Variants in TRAPPC8 observed in about 807,000 individuals in gnomAD.
TRAPPC8 encodes the protein trafficking protein particle complex subunit 8, also known as general sporulation gene 1 homolog.
In TRAPPC8, 54 loss-of-function variants were observed where a neutral mutation model predicts 174.3. The ratio of observed to expected loss-of-function variants is 0.31; its 90% CI spans 0.25 to 0.39. TRAPPC8 has a LOEUF of 0.39. Ranked by LOEUF, TRAPPC8 falls within the 10% of genes least tolerant of loss-of-function variation. The pLI, the probability that TRAPPC8 is intolerant of heterozygous loss-of-function variation, is 1.00. For missense variants in TRAPPC8, 1,531 were observed against 1,699.1 expected (o/e 0.90, Z 1.74); for synonymous variants, 630 against 579.9 (o/e 1.09, Z -1.24).
intron 1 of TRAPPC8, among the ~76,000 whole-genome samples, chr18:31,940,719 G>A (rs932708984): frequency 5.3e-5 from 8 of 151,824 alleles, no homozygotes; most frequent in Non-Finnish European, 1.2e-4. Context: ...GGATGGTCTC[G>A]AACTCCTGAC....
At chr18:31,906,663 G>GT (rs1568120395) in intron 9 of TRAPPC8, among the ~76,000 whole-genome samples, 2 of 152,072 alleles carry the variant, frequency 1.3e-5, no homozygotes, top group Admixed American at 6.6e-5. Context: ...TATATCTGTG[G>GT]TAACTTTTCA....
At position 31,830,914 on chromosome 18, in the gene TRAPPC8, C is replaced by G; in HGVS notation, c.4149G>C (p.Gln1383His). ...QTQYKLQLKS[Q>H]EIHSLQLKAC... ...CTTTCAGCTGCAGACTGTGAATCTC[C>G]TGGCTTTTAAGTTGAAGTTTATACT... The change falls in exon 29 of 29, where the codon CAG becomes CAC. Residue 1383 changes from glutamine to histidine, a missense_variant. Gln to His is a conservative substitution (Grantham distance 24). Coordinates refer to ENST00000283351, the MANE Select transcript of TRAPPC8 (RefSeq NM_014939.5). 6.2e-7 allele frequency: 1 copy of G among 1,614,210 alleles called. No homozygotes were observed. Among genetic ancestry groups the G allele is most frequent in the Non-Finnish European group, 8.5e-7 (1 of 1,180,040 alleles).
In TRAPPC8 at chr18:31,901,019, C is replaced by A. The variant is rs868395900; in HGVS notation, c.1396G>T (p.Ala466Ser). 6.3e-7 allele frequency: 1 copy of A among 1,584,768 alleles called. No homozygotes were observed. The highest frequency in any genetic ancestry group is 1.2e-5 in the South Asian group (1 of 85,454). The change falls in exon 10 of 29, where the codon GCA (alanine) becomes TCA (serine). Residue 466 changes from alanine (A) to serine (S), a missense_variant. Coordinates refer to ENST00000283351, the MANE Select transcript of TRAPPC8 (RefSeq NM_014939.5). ...MLYAAGALEM[A>S]AVSAFLQPGA... The stretch of plus-strand genomic sequence containing the variant: ...GGTTGAAGAAAAGCAGACACTGCTG[C>A]CATTTCCTAAAATAAAAGACATAGT...
intron 14 of TRAPPC8, among the ~76,000 whole-genome samples, chr18:31,871,333 G>GA: frequency 6.6e-6 from 1 of 152,036 alleles, no homozygotes; most frequent in South Asian, 2.1e-4. Flanking sequence ...GACTCTGAAA[G>GA]AATGTATTTT....
At chr18:31,893,862 T>TAC (rs562007322) in intron 11 of TRAPPC8, among the ~76,000 whole-genome samples, 3 of 152,018 alleles carry the variant, frequency 2.0e-5, no homozygotes, top group Non-Finnish European at 4.4e-5. Context: ...TAAAATAATA[T>TAC]ACACACACAC....
At chr18:31,883,013 A>G (rs989544553) in intron 12 of TRAPPC8, among the ~76,000 whole-genome samples, 29 of 145,384 alleles carry the variant, frequency 2.0e-4, no homozygotes, top group African/African-American at 6.7e-4. Flanking sequence ...TCACGAGTTC[A>G]GGAGTTCGAG....
Position 31,830,967 on chromosome 18 carries a change from C to T in TRAPPC8, c.4096G>A (p.Gly1366Arg), listed in dbSNP as rs2032327332. The change falls in exon 29 of 29, where the codon GGA becomes AGA. Residue 1366 changes from glycine to arginine, a missense_variant. Coordinates refer to ENST00000283351, the MANE Select transcript of TRAPPC8 (RefSeq NM_014939.5). ...TTSPEALEIH[G>R]SFTWLGQTQY... ...GTTTGTCCAAGCCATGTGAATGATC[C>T]ATGGATTTCCAGTGCTTCTGGACTA... 1.2e-6 allele frequency: 2 copies of T among 1,612,724 alleles called. No individual in the cohort carries two copies. Among genetic ancestry groups the T allele is most frequent in the Admixed American group, 3.3e-5 (2 of 59,984 alleles).
At chr18:31,875,337 TA>T (rs1344207309) in intron 12 of TRAPPC8, among the ~76,000 whole-genome samples, 1 of 149,012 alleles carries the variant, frequency 6.7e-6, no homozygotes, top group Non-Finnish European at 1.5e-5. Flanking sequence ...TATAGTAGTA[TA>T]TATAATAATA....
intron 2 of TRAPPC8, among the ~76,000 whole-genome samples, chr18:31,922,863 C>A (rs2037448682): frequency 6.6e-6 from 1 of 151,808 alleles, no homozygotes; most frequent in Non-Finnish European, 1.5e-5. Flanking sequence ...ACAAAAAATG[C>A]AAAATTAACC....
At chr18:31,913,036 G>A (rs963336641) in intron 5 of TRAPPC8, among the ~76,000 whole-genome samples, 1 of 151,896 alleles carries the variant, frequency 6.6e-6, no homozygotes, top group African/African-American at 2.4e-5. Flanking sequence ...GCTGAGGCAG[G>A]GGAATCACTT....
intron 4 of TRAPPC8, among the ~76,000 whole-genome samples, chr18:31,914,136 A>G (rs1488278468): frequency 6.6e-6 from 1 of 150,750 alleles, no homozygotes; most frequent in African/African-American, 2.4e-5. Flanking sequence ...CCATCTCAAA[A>G]AAAAAAAAAA....
intron 2 of TRAPPC8, among the ~76,000 whole-genome samples, chr18:31,928,802 A>G (rs907018588): frequency 1.1e-4 from 16 of 152,240 alleles, no homozygotes; most frequent in African/African-American, 3.9e-4. Flanking sequence ...GCAGAAATCA[A>G]TAAATATTTG....
intron 12 of TRAPPC8, among the ~76,000 whole-genome samples, chr18:31,877,609 T>A (rs1472719179): frequency 5.4e-4 from 7 of 12,954 alleles, no homozygotes; most frequent in Non-Finnish European, 8.5e-4. Flanking sequence ...AGACTCCGTC[T>A]CAAAAAAAAA....
At position 31,829,706 on chromosome 18, in the gene TRAPPC8, A is replaced by T. The variant is rs2032248573; in HGVS notation, c.*1049T>A. Reference sequence around the variant, plus strand: ...CATGGTAGCTGTCAATGGCACAAGGACCCCATCTGCTCCAGACTTGACTGA... The same window carrying T: ...CATGGTAGCTGTCAATGGCACAAGGTCCCCATCTGCTCCAGACTTGACTGA... On this transcript the variant is annotated 3_prime_UTR_variant, in exon 29 of 29. Transcript: ENST00000283351. 1 of 152,032 alleles carries T rather than the reference A, an allele frequency of 6.6e-6. No homozygotes were observed. Among genetic ancestry groups the T allele is most frequent in the Non-Finnish European group, 1.5e-5 (1 of 68,072 alleles). 9.4% of individuals were successfully genotyped at this position (152,032 alleles called of 1,614,324 possible).
chr18:31,847,501 T>A (rs771000482), intron 25 of TRAPPC8, among the ~76,000 whole-genome samples: 1 of 152,106 alleles, frequency 6.6e-6, no homozygotes, highest in Non-Finnish European at 1.5e-5. Flanking sequence ...TACTGTTAGG[T>A]TCAAAAAACA....
Position 31,866,280 on chromosome 18 carries a change from C to T in TRAPPC8, c.2590+569G>A, listed in dbSNP as rs185893901. Among the ~76,000 whole-genome samples, 479 of 151,978 alleles carry T rather than the reference C, an allele frequency of 3.2e-3. 3 individuals are homozygous for T. Among genetic ancestry groups the T allele is most frequent in the Middle Eastern group, 6.8e-3 (2 of 294 alleles). On this transcript the variant is annotated intron_variant, in intron 18 of 28. Coordinates refer to ENST00000283351, the MANE Select transcript of TRAPPC8 (RefSeq NM_014939.5). ...GGTAATGTTAAATCTTGAAGGGTTC[C>T]CTGAGTTTAAAAAACAAAGAAAACT...
In TRAPPC8 at chr18:31,917,593, T is replaced by G. The variant is rs369226528; in HGVS notation, c.427A>C (p.Asn143His). Residue 143 changes from asparagine to histidine, a missense_variant, in exon 3 of 29, where the codon AAC (asparagine) becomes CAC (histidine). By Grantham distance (68) the Asn-to-His change is moderately conservative. Coordinates refer to ENST00000283351, the MANE Select transcript of TRAPPC8 (RefSeq NM_014939.5). ...CAAAGGATACATGCTAAATAGTGGTTCAGAAATTCATGATCCAATGCTGGC... is the reference window on the plus strand; with the variant it reads ...CAAAGGATACATGCTAAATAGTGGTGCAGAAATTCATGATCCAATGCTGGC... ...SMPALDHEFL[N>H]HYLACMLVAS... 1.9e-6 allele frequency: 3 copies of G among 1,612,792 alleles called. No homozygotes were observed. The highest frequency in any genetic ancestry group is 2.5e-6 in the Non-Finnish European group (3 of 1,179,406).
At chr18:31,878,557 G>GT (rs550490274) in intron 12 of TRAPPC8, among the ~76,000 whole-genome samples, 91 of 152,204 alleles carry the variant, frequency 6.0e-4, no homozygotes, top group African/African-American at 2.1e-3. Flanking sequence ...AAAGATACAC[G>GT]TAAGTACAAA....
At chr18:31,875,574 C>T (rs1206461686) in intron 12 of TRAPPC8, among the ~76,000 whole-genome samples, 1 of 152,172 alleles carries the variant, frequency 6.6e-6, no homozygotes, top group African/African-American at 2.4e-5. Context: ...GCATCAGGTG[C>T]TACCACAGCC....
Sources: allele counts gnomAD v4.1 joint callset (sites outside exome capture counted in the v4.1 genomes callset), GRCh38; gene constraint gnomAD v4.1.1; transcripts MANE v1.5; gene names NCBI Gene and HGNC (gene_info 2026-07-23, HGNC 2026-07-21).